Variants in CCDC134 observed in about 807,000 individuals in gnomAD.
CCDC134 encodes the protein coiled-coil domain-containing protein 134.
CCDC134 carries 27 observed loss-of-function variants against 25.6 expected under a neutral mutation model. The ratio of observed to expected loss-of-function variants is 1.05; its 90% CI spans 0.78 to 1.45. CCDC134 has a LOEUF of 1.45. Among genes scored for constraint, CCDC134 ranks in the 40% most tolerant of loss-of-function variants. CCDC134 has a pLI of 0.00. For missense variants in CCDC134, 261 were observed against 286.7 expected (o/e 0.91, Z 0.65); for synonymous variants, 110 against 115.0 (o/e 0.96, Z 0.28).
chr22:41,822,133 G>A (rs1317388216), intron 6 of CCDC134, among the ~76,000 whole-genome samples: 1 of 152,120 alleles, frequency 6.6e-6, no homozygotes, highest in Non-Finnish European at 1.5e-5. Flanking sequence ...TGTTGTCAGG[G>A]ACAGGCAGAG....
At chr22:41,820,144 C>T (rs189942216) in intron 6 of CCDC134, among the ~76,000 whole-genome samples, 1 of 147,610 alleles carries the variant, frequency 6.8e-6, no homozygotes, top group African/African-American at 2.5e-5. Context: ...TACAGGCACC[C>T]ACCACCACGC....
chr22:41,825,708 G>A lies in CCDC134; in HGVS notation c.575G>A (p.Ser192Asn), dbSNP rs1284520804. 2.5e-6 allele frequency: 4 copies of A among 1,614,062 alleles called. No homozygotes were observed. The highest frequency in any genetic ancestry group is 4.5e-5 in the East Asian group (2 of 44,884). The change falls in exon 7 of 7, where the codon AGC (serine) becomes AAC (asparagine). Residue 192 changes from serine to asparagine, a missense_variant. Coordinates refer to ENST00000255784, the MANE Select transcript of CCDC134 (RefSeq NM_024821.5). This position sits in a 1 kb window ranked among gnomAD's most constrained non-coding sequence, Gnocchi z 4.4. ...TTCTCTTCCCTTCAGTTCATTCCCA[G>A]CACTGACCCTTTCCAGAAGGCCCTG... ...FKIDRTEFIPSTDPFQKALRE... is the reference protein window; with the variant it reads ...FKIDRTEFIPNTDPFQKALRE...
At chr22:41,814,521 C>T (rs1030087966) in intron 6 of CCDC134, among the ~76,000 whole-genome samples, 10 of 151,214 alleles carry the variant, frequency 6.6e-5, no homozygotes, top group African/African-American at 1.5e-4. Flanking sequence ...GAGCTGAGAT[C>T]GTGCCATTGC....
intron 6 of CCDC134, among the ~76,000 whole-genome samples, chr22:41,819,963 T>TTATATATATATATATATATATATATA (rs34213936): frequency 1.3e-4 from 11 of 82,612 alleles, no homozygotes; most frequent in African/African-American, 6.7e-4. Flanking sequence ...ACTTACCACT[T>TTATATATATATATATATATATATATA]TATATATATA....
chr22:41,824,245 A>T (rs1158574725), intron 6 of CCDC134, among the ~76,000 whole-genome samples: 3 of 152,178 alleles, frequency 2.0e-5, no homozygotes, highest in Non-Finnish European at 4.4e-5. Flanking sequence ...CTAATGTGGC[A>T]GAGGGGTGGG....
intron 4 of CCDC134, among the ~76,000 whole-genome samples, 154 bp from the exon 5 acceptor site, chr22:41,813,110 T>C (rs1602239177): frequency 6.6e-6 from 1 of 152,140 alleles, no homozygotes; most frequent in Non-Finnish European, 1.5e-5. Context: ...TAGTTCGCAC[T>C]GTACATGTGA....
chr22:41,802,913 CAAAAAAATAAAAAAT>C (rs745921711), intron 1 of CCDC134, among the ~76,000 whole-genome samples: 18 of 141,264 alleles, frequency 1.3e-4, no homozygotes, highest in South Asian at 4.5e-4. Context: ...GACTCTGTCT[CAAAAAAATAAAAAAT>C]AAAAAAATAA....
intron 4 of CCDC134, among the ~76,000 whole-genome samples, chr22:41,812,636 GTAAT>G (rs59926444): frequency 0.17 from 25,065 of 151,706 alleles, 2,987 homozygotes; most frequent in Admixed American, 0.36. Context: ...CACCTCTAAA[GTAAT>G]TAATTAATTA....
At chr22:41,802,326 A>G (rs929189509) in intron 1 of CCDC134, among the ~76,000 whole-genome samples, 2 of 152,210 alleles carry the variant, frequency 1.3e-5, no homozygotes, top group Admixed American at 1.3e-4. Context: ...TAGGTCCCTC[A>G]GTGCTGGGAC....
Position 41,810,170 on chromosome 22 carries a change from A to G in CCDC134, c.226-37A>G, listed in dbSNP as rs763042168. 9 of 1,607,516 alleles carry G rather than the reference A, an allele frequency of 5.6e-6. No individual in the cohort carries two copies. In the Admixed American group the frequency reaches 1.5e-4, roughly 27 times the overall value. On this transcript the variant is annotated intron_variant, in intron 3 of 6. Coordinates refer to ENST00000255784, the MANE Select transcript of CCDC134 (RefSeq NM_024821.5). Reference sequence around the variant, plus strand: ...GGGATGGGAGCAGTCTGTGATGGGCACTGCGAAGCCACTCAGCCCTGGCGG... The same window carrying G: ...GGGATGGGAGCAGTCTGTGATGGGCGCTGCGAAGCCACTCAGCCCTGGCGG...
intron 6 of CCDC134, among the ~76,000 whole-genome samples, chr22:41,822,391 G>A (rs1049987083): frequency 2.0e-5 from 3 of 152,322 alleles, no homozygotes; most frequent in Admixed American, 2.0e-4. Context: ...GTGATGGAGT[G>A]AAGGTTCAAA....
chr22:41,812,296 C>T (rs2076600075), intron 4 of CCDC134, among the ~76,000 whole-genome samples: 1 of 152,066 alleles, frequency 6.6e-6, no homozygotes, highest in Non-Finnish European at 1.5e-5. Flanking sequence ...GTGGCATGCA[C>T]CTGTAATCCC....
At chr22:41,812,915 C>T (rs1046395095) in intron 4 of CCDC134, among the ~76,000 whole-genome samples, 1 of 152,096 alleles carries the variant, frequency 6.6e-6, no homozygotes, top group Admixed American at 6.6e-5. Flanking sequence ...TCTCTGGTCC[C>T]CACAGCAAAT....
Position 41,813,280 on chromosome 22 carries a change from G to A in CCDC134, c.327G>A (p.Val109=), listed in dbSNP as rs1216976857. 1.9e-6 allele frequency: 3 copies of A among 1,614,064 alleles called. No individual in the cohort carries two copies. Among genetic ancestry groups the A allele is most frequent in the Admixed American group, 3.3e-5 (2 of 60,000 alleles). The part of the protein sequence containing the change: ...EKLKDAFSHV[V]ENTAFFGDVV... ...TCTCGCCAGCTTTCTCCCACGTGGT[G>A]GAGAACACGGCCTTCTTCGGCGATG... is the stretch of plus-strand genomic sequence containing the variant. Residue 109 remains valine (V), a synonymous_variant, in exon 5 of 7, where the codon GTG becomes GTA. Transcript: ENST00000255784.
intron 6 of CCDC134, among the ~76,000 whole-genome samples, chr22:41,817,914 A>T (rs1352130783): frequency 6.6e-6 from 1 of 152,118 alleles, no homozygotes; most frequent in Non-Finnish European, 1.5e-5. Flanking sequence ...AATTCAGGCC[A>T]TTGTCTGACT....
At chr22:41,817,730 T>TTAAATAAATAAATAAA (rs139570) in intron 6 of CCDC134, among the ~76,000 whole-genome samples, 9 of 141,676 alleles carry the variant, frequency 6.4e-5, no homozygotes, top group Non-Finnish European at 1.1e-4. Flanking sequence ...AGACTCTGTC[T>TTAAATAAATAAATAAA]TAAATAAATA....
rs1232270040 is a variant in CCDC134 at position 41,826,019 on chromosome 22, G to T, written c.*196G>T. The T allele has an allele frequency of 7.7e-6, 5 of 652,372 alleles. No individual in the cohort carries two copies. The highest frequency in any genetic ancestry group is 2.8e-5 in the Admixed American group (1 of 35,678). The allele number at this position is 652,372 out of a possible 1,614,324, so 40.4% of individuals were successfully genotyped here. On this transcript the variant is annotated 3_prime_UTR_variant, in exon 7 of 7. Transcript: ENST00000255784. ...CAGATGGCTGGATTTTCTCTCAGGG[G>T]CCTCCTGCTGAAGGGGCCTTCAGAG...
At chr22:41,813,666 C>A in intron 5 of CCDC134, 85 bp from the exon 6 acceptor site, 1 of 1,440,908 alleles carries the variant, frequency 6.9e-7, no homozygotes, top group Non-Finnish European at 9.7e-7. Flanking sequence ...AGTCAGGAGT[C>A]TGGGTCCCAG....
rs1174940100 is a variant in CCDC134, at chr22:41,808,937, C to G, written c.47C>G (p.Ser16Cys). 2 of 1,614,036 alleles carry G rather than the reference C, an allele frequency of 1.2e-6. No homozygotes were observed. The highest frequency in any genetic ancestry group is 3.3e-5 in the Admixed American group (2 of 59,988). ...GCCTTCCTCTTTGTCCTGCTTTTGTCTGGGATGGGAGCCACAGGCACCTTG... is the reference window on the plus strand; with the variant it reads ...GCCTTCCTCTTTGTCCTGCTTTTGTGTGGGATGGGAGCCACAGGCACCTTG... ...FLAFLFVLLL[S>C]GMGATGTLRT... Residue 16 changes from serine to cysteine, a missense_variant, in exon 2 of 7, where the codon TCT (serine) becomes TGT (cysteine). Transcript: ENST00000255784.
Sources: allele counts gnomAD v4.1 joint callset (sites outside exome capture counted in the v4.1 genomes callset), GRCh38; gene constraint gnomAD v4.1.1; non-coding constraint Gnocchi (gnomAD v3.1); transcripts MANE v1.5; gene names NCBI Gene and HGNC (gene_info 2026-07-23, HGNC 2026-07-21).